KCNIP4: variants seen among roughly 807,000 people sequenced by gnomAD.
KCNIP4 encodes the protein Kv channel-interacting protein 4.
In KCNIP4, 12 loss-of-function variants were observed where a neutral mutation model predicts 34.0. The ratio of observed to expected loss-of-function variants is 0.35; its 90% CI spans 0.23 to 0.57. The LOEUF (loss-of-function observed/expected upper bound fraction) is 0.57, where lower values mean the gene tolerates loss of function less well. Among genes scored for constraint, KCNIP4 ranks in the 20% least tolerant of loss-of-function variants. KCNIP4 has a pLI of 0.83. For synonymous variants in KCNIP4, 124 were observed against 102.2 expected, an observed-to-expected ratio of 1.21 and a Z score of -1.29; for missense variants, 238 against 311.7, an observed-to-expected ratio of 0.76 and a Z score of 1.78.
chr4:21,414,066 C>T (rs549579792), intron 1 of KCNIP4, among the ~76,000 whole-genome samples: 4 of 152,158 alleles, frequency 2.6e-5, no homozygotes, highest in South Asian at 4.2e-4. Flanking sequence ...CTTGGCCTTA[C>T]ATTCTAGCAG....
At chr4:21,362,626 C>T (rs1719346397) in intron 1 of KCNIP4, among the ~76,000 whole-genome samples, 1 of 152,032 alleles carries the variant, frequency 6.6e-6, no homozygotes, top group African/African-American at 2.4e-5. Flanking sequence ...CTCCCCTTCC[C>T]AAAGTAAAAC....
chr4:21,741,482 G>T (rs1200125339), intron 1 of KCNIP4, among the ~76,000 whole-genome samples: 1 of 152,114 alleles, frequency 6.6e-6, no homozygotes, highest in Non-Finnish European at 1.5e-5. Context: ...TTATCTCTGG[G>T]ATGGGCTGGA....
intron 1 of KCNIP4, among the ~76,000 whole-genome samples, chr4:21,213,562 A>C (rs1454670500): frequency 1.3e-5 from 2 of 152,058 alleles, no homozygotes; most frequent in African/African-American, 4.8e-5. Context: ...TTGCCCTCCC[A>C]AAGTGCTGTG....
At chr4:20,774,038 C>T (rs1756148970) in intron 3 of KCNIP4, among the ~76,000 whole-genome samples, 1 of 152,250 alleles carries the variant, frequency 6.6e-6, no homozygotes, top group East Asian at 1.9e-4. Flanking sequence ...AACAGGGGAA[C>T]ATTTTAAACC....
At chr4:21,204,987 TTA>T (rs1424386543) in intron 1 of KCNIP4, among the ~76,000 whole-genome samples, 1 of 152,214 alleles carries the variant, frequency 6.6e-6, no homozygotes, top group African/African-American at 2.4e-5. Flanking sequence ...AGAGTTATTT[TTA>T]AAAGTTCCAC....
intron 1 of KCNIP4, among the ~76,000 whole-genome samples, chr4:21,351,704 G>A (rs1718018204): frequency 6.6e-6 from 1 of 152,096 alleles, no homozygotes; most frequent in South Asian, 2.1e-4. Context: ...ATAAGAAAAG[G>A]AAATTAGGAC....
chr4:20,915,875 T>A (rs915182669), intron 1 of KCNIP4, among the ~76,000 whole-genome samples: 1 of 152,126 alleles, frequency 6.6e-6, no homozygotes, highest in East Asian at 1.9e-4. Flanking sequence ...ATCAATGAGA[T>A]TAAATGTTGC....
chr4:21,498,417 G>T (rs76750444), intron 1 of KCNIP4, among the ~76,000 whole-genome samples: 8,711 of 152,094 alleles, frequency 0.057, 618 homozygotes, highest in African/African-American at 0.16. Flanking sequence ...TTGTCCATTT[G>T]GGGGGTTATG....
At chr4:21,739,707 C>G (rs1459207760) in intron 1 of KCNIP4, among the ~76,000 whole-genome samples, 1 of 152,020 alleles carries the variant, frequency 6.6e-6, no homozygotes, top group African/African-American at 2.4e-5. Context: ...GAAAGTTATG[C>G]TTGTTAAAAT....
At chr4:21,591,595 G>C (rs116508146) in intron 1 of KCNIP4, among the ~76,000 whole-genome samples, 3,217 of 152,016 alleles carry the variant, frequency 0.021, 121 homozygotes, top group African/African-American at 0.073. Context: ...GATTTGCCTA[G>C]AATGTGTGGT....
rs183475551 is a variant in KCNIP4, at chr4:21,819,795, C to T, written c.61+128776G>A. Among the ~76,000 whole-genome samples, 614 of 152,134 alleles carry T rather than the reference C, an allele frequency of 4.0e-3. 4 individuals carry two copies. The highest frequency in any genetic ancestry group is 0.014 in the African/African-American group (581 of 41,512). On this transcript the variant is annotated intron_variant, in intron 1 of 8. Coordinates refer to ENST00000382152, the MANE Select transcript of KCNIP4 (RefSeq NM_025221.6). ...ACATAAAACTATCAAATTTATCCTT[C>T]GTTCAAATTTGTAAGGTTTGAGAGA...
At chr4:21,480,084 TTGAC>T (rs1333328271) in intron 1 of KCNIP4, among the ~76,000 whole-genome samples, 1 of 151,520 alleles carries the variant, frequency 6.6e-6, no homozygotes, top group Non-Finnish European at 1.5e-5. Flanking sequence ...ATTAATCACA[TTGAC>T]TAAGAAGTTT....
At chr4:21,259,503 C>T (rs780647525) in intron 1 of KCNIP4, among the ~76,000 whole-genome samples, 3 of 152,126 alleles carry the variant, frequency 2.0e-5, no homozygotes, top group Non-Finnish European at 4.4e-5. Context: ...AATCCTACCT[C>T]CAATCTTTGT....
intron 4 of KCNIP4, among the ~76,000 whole-genome samples, chr4:20,755,418 C>T (rs1463930690): frequency 6.6e-6 from 1 of 152,188 alleles, no homozygotes; most frequent in Non-Finnish European, 1.5e-5. Context: ...TTCCACTGTA[C>T]AGTGATAGCC....
intron 1 of KCNIP4, among the ~76,000 whole-genome samples, chr4:21,223,786 G>A (rs1560188231): frequency 6.6e-6 from 1 of 152,276 alleles, no homozygotes; most frequent in Non-Finnish European, 1.5e-5. Flanking sequence ...TAGGGTGTGT[G>A]TGAGTGTGTG....
At chr4:21,773,193 C>T (rs1718922914) in intron 1 of KCNIP4, among the ~76,000 whole-genome samples, 1 of 152,150 alleles carries the variant, frequency 6.6e-6, no homozygotes, top group Non-Finnish European at 1.5e-5. Context: ...CATTCAAGAG[C>T]AGGCTGTCCA....
chr4:21,239,558 G>T (rs1577943777), intron 1 of KCNIP4, among the ~76,000 whole-genome samples: 1 of 152,140 alleles, frequency 6.6e-6, no homozygotes, highest in Non-Finnish European at 1.5e-5. Flanking sequence ...ATCAAAAAGT[G>T]GGGAAGGATA....
chr4:21,772,826 T>C (rs1445982877), intron 1 of KCNIP4, among the ~76,000 whole-genome samples: 2 of 152,156 alleles, frequency 1.3e-5, no homozygotes, highest in Non-Finnish European at 2.9e-5. Context: ...TTTATTAGTC[T>C]AGCTAGCAGT....
intron 2 of KCNIP4, among the ~76,000 whole-genome samples, chr4:20,882,328 A>T (rs949092751): frequency 6.6e-6 from 1 of 152,152 alleles, no homozygotes; most frequent in Non-Finnish European, 1.5e-5. Flanking sequence ...GAATTCCTAC[A>T]GTTACTTGAG....
Sources: gnomAD v4.1 joint callset for allele counts (sites outside exome capture counted in the v4.1 genomes callset) on GRCh38, gnomAD v4.1.1 for gene constraint, MANE v1.5 for transcripts, NCBI Gene and HGNC (gene_info 2026-07-23, HGNC 2026-07-21) for gene names.